Variants in CDIN1 observed in about 807,000 individuals in gnomAD.
CDIN1 encodes the protein CDAN1 interacting nuclease 1.
Under a neutral mutation model 45.3 loss-of-function variants are expected in CDIN1, and 33 were observed. That is an observed-to-expected ratio of 0.73 (90% CI 0.55 to 0.97). The LOEUF (loss-of-function observed/expected upper bound fraction) is 0.97. Ranked by LOEUF, CDIN1 falls within the 50% of genes least tolerant of loss-of-function variation. The pLI, the probability that CDIN1 is intolerant of heterozygous loss-of-function variation, is 0.00. For synonymous variants in CDIN1, 118 were observed against 124.4 expected (o/e 0.95, Z 0.34); for missense variants, 303 against 339.4 (o/e 0.89, Z 0.84).
chr15:36,718,334 C>T (rs2043286741), intron 10 of CDIN1, among the ~76,000 whole-genome samples: 1 of 152,022 alleles, frequency 6.6e-6, no homozygotes, highest in Non-Finnish European at 1.5e-5. Flanking sequence ...TTACATTTTG[C>T]TGTTCAAGAT....
intron 1 of CDIN1, chr15:36,627,629 A>G: frequency 6.6e-6 from 1 of 152,458 alleles, no homozygotes; most frequent in Non-Finnish European, 1.5e-5. Context: ...CATGAAGATG[A>G]GTGGCATGGC....
chr15:36,688,887 CTG>C (rs2042148040), intron 5 of CDIN1, among the ~76,000 whole-genome samples: 1 of 152,176 alleles, frequency 6.6e-6, no homozygotes, highest in Admixed American at 6.5e-5. Flanking sequence ...GTGGAAAGAG[CTG>C]TGTGTGTTTG....
chr15:36,612,995 G>T (rs1395473624), intron 1 of CDIN1, among the ~76,000 whole-genome samples: 1 of 152,156 alleles, frequency 6.6e-6, no homozygotes, highest in Non-Finnish European at 1.5e-5. Context: ...AACATACTAG[G>T]TTTTTGTTCT....
chr15:36,642,947 C>A (rs1349512216), intron 1 of CDIN1, among the ~76,000 whole-genome samples: 1 of 151,986 alleles, frequency 6.6e-6, no homozygotes, highest in Non-Finnish European at 1.5e-5. Flanking sequence ...TCCCTCCCAC[C>A]CCAGAAGATT....
intron 10 of CDIN1, among the ~76,000 whole-genome samples, chr15:36,807,508 G>A (rs902972466): frequency 6.6e-6 from 1 of 152,154 alleles, no homozygotes; most frequent in Non-Finnish European, 1.5e-5. Flanking sequence ...TATGAACCCA[G>A]CCTAAAGGTC....
intron 1 of CDIN1, among the ~76,000 whole-genome samples, chr15:36,611,553 A>G (rs1237318907): frequency 2.0e-5 from 3 of 152,314 alleles, no homozygotes. Flanking sequence ...ATCTAGGTAT[A>G]CCTGCATCTC....
intron 4 of CDIN1, among the ~76,000 whole-genome samples, chr15:36,657,493 T>A (rs7169115): frequency 0.95 from 145,311 of 152,212 alleles, 69,370 homozygotes; most frequent in East Asian, 1. Context: ...AAGCATGGCT[T>A]GAATAAAAAA....
chr15:36,617,317 GA>G, intron 1 of CDIN1: 1 of 1,384,820 alleles, frequency 7.2e-7, no homozygotes, highest in Non-Finnish European at 1.0e-6. Flanking sequence ...TTTGTCTTGT[GA>G]AACCACAAGA....
At chr15:36,690,809 C>T (rs535783773) in intron 5 of CDIN1, among the ~76,000 whole-genome samples, 1 of 152,282 alleles carries the variant, frequency 6.6e-6, no homozygotes, top group Non-Finnish European at 1.5e-5. Flanking sequence ...CAACACGTGA[C>T]TTAGCTTCAG....
At chr15:36,618,843 C>T in intron 1 of CDIN1, 1 of 839,684 alleles carries the variant, frequency 1.2e-6, no homozygotes, top group East Asian at 2.4e-5. Flanking sequence ...ATACCAGTTT[C>T]TCCTCCAAGT....
At chr15:36,704,379 T>G (rs2042787422) in intron 8 of CDIN1, 1 of 152,172 alleles carries the variant, frequency 6.6e-6, no homozygotes, top group South Asian at 2.1e-4. Context: ...ATCGGTGCTA[T>G]TGGTCTCCCC....
At chr15:36,775,643 C>A (rs2054199656) in intron 10 of CDIN1, among the ~76,000 whole-genome samples, 1 of 152,186 alleles carries the variant, frequency 6.6e-6, no homozygotes, top group Non-Finnish European at 1.5e-5. Context: ...CTGCCAAAGT[C>A]TTGATCCAAT....
At chr15:36,680,466 G>A (rs2041811378) in intron 5 of CDIN1, among the ~76,000 whole-genome samples, 1 of 152,166 alleles carries the variant, frequency 6.6e-6, no homozygotes, top group Non-Finnish European at 1.5e-5. Context: ...GAAAAAGATA[G>A]AAATGATAGA....
chr15:36,618,780 A>G (rs2039016989), intron 1 of CDIN1: 2 of 757,616 alleles, frequency 2.6e-6, no homozygotes, highest in African/African-American at 1.8e-5. Context: ...AAAAAAAAAA[A>G]GGATCTAATA....
At chr15:36,798,102 T>C (rs1245580486) in intron 10 of CDIN1, among the ~76,000 whole-genome samples, 2 of 151,596 alleles carry the variant, frequency 1.3e-5, no homozygotes, top group Non-Finnish European at 2.9e-5. Flanking sequence ...GGCAAGGGAC[T>C]GTAGAGTGAT....
At chr15:36,758,459 TGAG>T (rs1447159003) in intron 10 of CDIN1, among the ~76,000 whole-genome samples, 1 of 152,128 alleles carries the variant, frequency 6.6e-6, no homozygotes, top group Non-Finnish European at 1.5e-5. Flanking sequence ...ATTCATAAGA[TGAG>T]GAAAGGCAAG....
rs149156121 is a variant in CDIN1, at chr15:36,762,622, T to A, written c.717-45702T>A. Among the ~76,000 whole-genome samples, 1,405 of 152,148 alleles carry A rather than the reference T, an allele frequency of 9.2e-3. 16 individuals carry two copies. Among genetic ancestry groups the A allele is most frequent in the African/African-American group, 0.031 (1,304 of 41,468 alleles). On this transcript the variant is annotated intron_variant, in intron 10 of 10. Coordinates refer to ENST00000566621, the MANE Select transcript of CDIN1 (RefSeq NM_001321759.2). ...ACTCGTCATTTACATTAGGTATATC[T>A]CCTAATGCTATCCCTCCCCACTCCC...
intron 5 of CDIN1, among the ~76,000 whole-genome samples, chr15:36,666,875 A>G (rs1478976868): frequency 1.3e-5 from 2 of 152,228 alleles, no homozygotes; most frequent in Non-Finnish European, 2.9e-5. Flanking sequence ...TGCACATATT[A>G]TATACCAGGT....
intron 10 of CDIN1, among the ~76,000 whole-genome samples, chr15:36,734,888 A>G (rs554947778): frequency 1.3e-5 from 2 of 152,230 alleles, no homozygotes; most frequent in Non-Finnish European, 2.9e-5. Flanking sequence ...AGGCCTTATT[A>G]AAATCTCCTG....
Sources: allele counts gnomAD v4.1 joint callset (sites outside exome capture counted in the v4.1 genomes callset), GRCh38; gene constraint gnomAD v4.1.1; transcripts MANE v1.5; gene names NCBI Gene and HGNC (gene_info 2026-07-23, HGNC 2026-07-21).